FBP2: variants seen among roughly 807,000 people sequenced by gnomAD.
The protein encoded by FBP2 is fructose-1,6-bisphosphatase isozyme 2.
A neutral mutation model predicts 31.6 loss-of-function variants in FBP2; 27 were observed. The observed-to-expected ratio is 0.85, with a 90% CI of 0.63 to 1.18. The LOEUF (loss-of-function observed/expected upper bound fraction) is 1.18. Among genes scored for constraint, FBP2 ranks in the 50% most tolerant of loss-of-function variants. FBP2 has a pLI of 0.00. For missense variants in FBP2, 421 were observed against 436.1 expected (o/e 0.97, Z 0.31); for synonymous variants, 168 against 179.8 (o/e 0.93, Z 0.53).
chr9:94,589,554 T>C (rs531324640), intron 1 of FBP2, among the ~76,000 whole-genome samples: 2 of 152,344 alleles, frequency 1.3e-5, no homozygotes, highest in South Asian at 4.1e-4. Flanking sequence ...CACTGAGTTA[T>C]GAGGAAAGGA....
chr9:94,563,309 C>T (rs755602457), intron 6 of FBP2, 33 bp downstream of exon 6: 16 of 1,609,134 alleles, frequency 9.9e-6, no homozygotes, highest in South Asian at 4.4e-5. Flanking sequence ...CCTCCCTGAC[C>T]GGATGCACAG....
chr9:94,573,203 C>CA (rs1827286388), intron 3 of FBP2, among the ~76,000 whole-genome samples: 1 of 152,170 alleles, frequency 6.6e-6, no homozygotes, highest in Non-Finnish European at 1.5e-5. Context: ...GTAATGCTAG[C>CA]TGTAGATGTA....
intron 5 of FBP2, among the ~76,000 whole-genome samples, chr9:94,566,002 T>C (rs181679620): frequency 5.3e-5 from 8 of 152,188 alleles, no homozygotes; most frequent in South Asian, 2.1e-4. Flanking sequence ...AGCCACAGTT[T>C]TAGCAGAAAA....
chr9:94,567,222 C>CA, intron 5 of FBP2, 48 bp downstream of exon 5: 1 of 1,608,396 alleles, frequency 6.2e-7, no homozygotes, highest in Non-Finnish European at 8.5e-7. Flanking sequence ...AACAGGACCC[C>CA]ATGGGGACAG....
At chr9:94,574,615 G>A (rs1200999218) in intron 3 of FBP2, among the ~76,000 whole-genome samples, 1 of 151,936 alleles carries the variant, frequency 6.6e-6, no homozygotes, top group South Asian at 2.1e-4. Flanking sequence ...GCCTGTTTTT[G>A]CAGTGCAGTT....
At chr9:94,560,554 C>T (rs1827081961) in intron 6 of FBP2, among the ~76,000 whole-genome samples, 1 of 152,092 alleles carries the variant, frequency 6.6e-6, no homozygotes. Context: ...GTTCATTCTC[C>T]ATTATCACCT....
rs1827439180 is a variant in FBP2 at position 94,587,337 on chromosome 9, C to T, written c.303G>A (p.Lys101=). Residue 101 remains lysine (K), a synonymous_variant, in exon 2 of 7, where the codon AAG becomes AAA. Coordinates refer to ENST00000375337, the MANE Select transcript of FBP2 (RefSeq NM_003837.4). ...TCTCCTTGGCGGTGATGATGGCGTC[C>T]TTATTCTCTTCTGAGACCAGGACGC... The part of the protein sequence containing the change: ...STCVLVSEEN[K]DAIITAKEKR... 2 of 1,613,332 alleles carry T rather than the reference C, an allele frequency of 1.2e-6. No individual in the cohort carries two copies. Among genetic ancestry groups the T allele is most frequent in the Admixed American group, 3.3e-5 (2 of 59,804 alleles).
chr9:94,591,339 C>T (rs756687556), intron 1 of FBP2, among the ~76,000 whole-genome samples: 2 of 152,244 alleles, frequency 1.3e-5, no homozygotes, highest in Non-Finnish European at 2.9e-5. Flanking sequence ...CGCCAGTGGG[C>T]CAGCACTGCT....
chr9:94,569,420 A>G (rs1827241155), intron 4 of FBP2: 1 of 152,244 alleles, frequency 6.6e-6, no homozygotes, highest in Non-Finnish European at 1.5e-5. Flanking sequence ...GCTTTCCAGC[A>G]AAGAGGATGG....
chr9:94,558,855 G>GCTA lies in FBP2; in HGVS notation c.*80_*82dup. 1 of 1,297,284 alleles carries GCTA rather than the reference G, an allele frequency of 7.7e-7. No individual in the cohort carries two copies. The allele number at this position is 1,297,284 out of a possible 1,614,324, so 80.4% of individuals were successfully genotyped here. On this transcript the variant is annotated 3_prime_UTR_variant, in exon 7 of 7. Transcript: ENST00000375337. Reference sequence around the variant, plus strand: ...TGGATTTACCTTTTGTATACTCATAGCTACCATCTCTGTTTATCGTTCATT... The same window carrying GCTA: ...TGGATTTACCTTTTGTATACTCATAGCTACTACCATCTCTGTTTATCGTTCATT...
intron 3 of FBP2, among the ~76,000 whole-genome samples, chr9:94,581,636 C>T (rs984656057): frequency 1.3e-5 from 2 of 152,122 alleles, no homozygotes; most frequent in Non-Finnish European, 2.9e-5. Context: ...AAAATAAAAG[C>T]TTGGCCATCA....
chr9:94,587,997 C>T (rs867070640), intron 1 of FBP2, among the ~76,000 whole-genome samples: 5 of 152,046 alleles, frequency 3.3e-5, no homozygotes, highest in African/African-American at 1.2e-4. Flanking sequence ...TACAGGCGCC[C>T]GCCACCACGC....
intron 3 of FBP2, among the ~76,000 whole-genome samples, chr9:94,582,497 G>A (rs925314707): frequency 6.6e-6 from 1 of 150,848 alleles, no homozygotes; most frequent in African/African-American, 2.5e-5. Flanking sequence ...CAATTCTCAT[G>A]TCTCAGCCGA....
chr9:94,563,379 A>C lies in FBP2; in HGVS notation c.788T>G (p.Phe263Cys). The C allele has an allele frequency of 6.2e-7, 1 of 1,614,166 alleles. No homozygotes were observed. The highest frequency in any genetic ancestry group is 8.5e-7 in the Non-Finnish European group (1 of 1,180,004). Residue 263 changes from phenylalanine (F) to cysteine (C), a missense_variant, in exon 6 of 7, where the codon TTC becomes TGC. Transcript: ENST00000375337. ...VHRTLVYGGIFLYPANQKSPK... is the reference protein window; with the variant it reads ...VHRTLVYGGICLYPANQKSPK... ...GCTCTTCTGGTTGGCTGGGTACAGG[A>C]AGATTCCTCCATAGACCAGGGTGCG... is the stretch of plus-strand genomic sequence containing the variant.
intron 1 of FBP2, among the ~76,000 whole-genome samples, chr9:94,590,278 C>G (rs887477246): frequency 1.3e-5 from 2 of 152,216 alleles, no homozygotes; most frequent in African/African-American, 4.8e-5. Flanking sequence ...TGATCCCCCA[C>G]GGCCATGAGA....
At chr9:94,576,335 T>C (rs1445323549) in intron 3 of FBP2, among the ~76,000 whole-genome samples, 1 of 152,190 alleles carries the variant, frequency 6.6e-6, no homozygotes, top group Non-Finnish European at 1.5e-5. Context: ...TCCCCTTTAC[T>C]AGTTGTGGTT....
At chr9:94,585,719 C>T (rs993124940) in intron 2 of FBP2, among the ~76,000 whole-genome samples, 3 of 152,208 alleles carry the variant, frequency 2.0e-5, no homozygotes, top group East Asian at 1.9e-4. Flanking sequence ...AGATCCTGGG[C>T]TCAAGCAATC....
chr9:94,579,186 C>T (rs566082687), intron 3 of FBP2, among the ~76,000 whole-genome samples: 93 of 148,740 alleles, frequency 6.3e-4, no homozygotes, highest in Non-Finnish European at 8.7e-4. Context: ...ATAACGAGGT[C>T]AGGAGATGGA....
intron 3 of FBP2, among the ~76,000 whole-genome samples, chr9:94,571,970 T>A (rs576368562): frequency 6.6e-6 from 1 of 152,190 alleles, no homozygotes; most frequent in South Asian, 2.1e-4. Context: ...CTCTGCACAC[T>A]CAACAGCCCT....
Sources: allele counts gnomAD v4.1 joint callset (sites outside exome capture counted in the v4.1 genomes callset), GRCh38; gene constraint gnomAD v4.1.1; transcripts MANE v1.5; gene names NCBI Gene and HGNC (gene_info 2026-07-23, HGNC 2026-07-21).